Variants in INPP5A observed in about 807,000 individuals in gnomAD.
The protein encoded by INPP5A is inositol polyphosphate-5-phosphatase A.
Under a neutral mutation model 65.2 loss-of-function variants are expected in INPP5A, and 14 were observed. The observed-to-expected ratio is 0.21, with a 90% CI of 0.14 to 0.34. The LOEUF is 0.34. Among genes scored for constraint, INPP5A ranks in the 10% least tolerant of loss-of-function variants. INPP5A has a pLI of 1.00. For synonymous variants in INPP5A, 207 were observed against 208.3 expected (o/e 0.99, Z 0.05); for missense variants, 431 against 545.6 (o/e 0.79, Z 2.09).
intron 2 of INPP5A, among the ~76,000 whole-genome samples, chr10:132,623,410 T>TC (rs1393352818): frequency 3.6e-4 from 55 of 151,764 alleles, no homozygotes; most frequent in African/African-American, 7.3e-4. Flanking sequence ...TTTTTTTTTT[T>TC]CAACAAATTG....
intron 9 of INPP5A, among the ~76,000 whole-genome samples, chr10:132,747,870 G>A (rs1209291580): frequency 6.6e-6 from 1 of 152,136 alleles, no homozygotes; most frequent in East Asian, 1.9e-4. Context: ...GCAACATCAT[G>A]AGACCCTGTC....
intron 2 of INPP5A, among the ~76,000 whole-genome samples, chr10:132,621,502 G>A (rs762086672): frequency 1.2e-4 from 18 of 152,134 alleles, no homozygotes; most frequent in Non-Finnish European, 1.8e-4. Context: ...AGGTGGTACC[G>A]CTTGAAGCAG....
intron 12 of INPP5A, 60 bp from the exon 13 acceptor site, chr10:132,777,611 C>T (rs1199375291): frequency 5.5e-5 from 82 of 1,504,440 alleles, no homozygotes; most frequent in Non-Finnish European, 7.0e-5. Flanking sequence ...ACAGCCGTCC[C>T]TTTGGGGCTG....
intron 9 of INPP5A, among the ~76,000 whole-genome samples, chr10:132,749,056 G>A (rs1431499434): frequency 1.3e-5 from 2 of 152,256 alleles, no homozygotes; most frequent in South Asian, 4.1e-4. Context: ...AGATGAGCCT[G>A]TTGAGACGGT....
intron 4 of INPP5A, among the ~76,000 whole-genome samples, chr10:132,682,511 G>T (rs1003910832): frequency 2.6e-5 from 4 of 152,238 alleles, no homozygotes; most frequent in African/African-American, 9.6e-5. Context: ...TATCCAGTTG[G>T]CAAAAACTAG....
intron 11 of INPP5A, among the ~76,000 whole-genome samples, chr10:132,754,194 G>A (rs903892218): frequency 6.6e-5 from 10 of 152,242 alleles, no homozygotes; most frequent in African/African-American, 1.4e-4. Context: ...TGGTCCCTGC[G>A]CAGCCTTGCG....
chr10:132,780,827 C>T (rs202104151), intron 13 of INPP5A, 22 bp from the exon 14 acceptor site: 1,081 of 1,610,828 alleles, frequency 6.7e-4, no homozygotes, highest in Non-Finnish European at 8.7e-4. Context: ...CCCACACTCA[C>T]CTGTCTGTTT....
chr10:132,625,328 C>T lies in INPP5A; in HGVS notation c.117+17372C>T, dbSNP rs1381972741. Among the ~76,000 whole-genome samples the T allele has an allele frequency of 2.6e-5, 4 of 151,854 alleles. No individual in the cohort carries two copies. In the East Asian group the frequency reaches 5.8e-4, roughly 22 times the overall value. ...TCTCAGCAGGATCTTTTTCTGTGGC[C>T]CTGTGTCTTTCTGAATTACTGTATG... On this transcript the variant is annotated intron_variant, in intron 2 of 15. Transcript: ENST00000368594.
chr10:132,617,991 G>A (rs909074588), intron 2 of INPP5A, among the ~76,000 whole-genome samples: 3 of 152,166 alleles, frequency 2.0e-5, no homozygotes, highest in Non-Finnish European at 4.4e-5. Flanking sequence ...AATATTTTAT[G>A]ATATAGTTAG....
At chr10:132,759,871 A>G (rs1412215893) in intron 11 of INPP5A, among the ~76,000 whole-genome samples, 2 of 152,030 alleles carry the variant, frequency 1.3e-5, no homozygotes. Flanking sequence ...CTTCTTGTTC[A>G]CGTGCCCCTT....
At chr10:132,717,713 T>A (rs1845766914) in intron 8 of INPP5A, among the ~76,000 whole-genome samples, 2 of 146,024 alleles carry the variant, frequency 1.4e-5, no homozygotes, top group African/African-American at 2.6e-5. Context: ...GGTGCCTGGG[T>A]TCTGTCTGGG....
At chr10:132,669,422 A>G (rs7094522) in intron 4 of INPP5A, among the ~76,000 whole-genome samples, 136,823 of 152,220 alleles carry the variant, frequency 0.9, 61,569 homozygotes, top group East Asian at 1. Context: ...TCTTAACCTC[A>G]AGGCTTTCTA....
At position 132,651,245 on chromosome 10, in the gene INPP5A, C is replaced by T. The variant is rs74161905; in HGVS notation, c.306+740C>T. Among the ~76,000 whole-genome samples the T allele has an allele frequency of 6.6e-6, 1 of 151,780 alleles. No homozygotes were observed. The highest frequency in any genetic ancestry group is 2.4e-5 in the African/African-American group (1 of 41,318). ...TGGGTCCCCCGGCCTGGATCCATCTCCCCCGTCTCTGGGGAGGCCCTGGGT... is the reference window on the plus strand; with the variant it reads ...TGGGTCCCCCGGCCTGGATCCATCTTCCCCGTCTCTGGGGAGGCCCTGGGT... On this transcript the variant is annotated intron_variant, in intron 4 of 15. Coordinates refer to ENST00000368594, the MANE Select transcript of INPP5A (RefSeq NM_005539.5). The surrounding 1 kb of genome is among the most constrained non-coding windows in gnomAD (Gnocchi z 5.0).
intron 1 of INPP5A, among the ~76,000 whole-genome samples, chr10:132,559,897 T>C (rs191480834): frequency 2.6e-5 from 4 of 152,394 alleles, no homozygotes; most frequent in Admixed American, 2.6e-4. Context: ...CATCAGTGGA[T>C]GGACATGAGT....
rs373643090 is a variant in INPP5A, at chr10:132,615,232, G to A, written c.117+7276G>A. Among the ~76,000 whole-genome samples, 25 of 152,372 alleles carry A rather than the reference G, an allele frequency of 1.6e-4. No individual in the cohort carries two copies. In the East Asian group the frequency reaches 3.5e-3, roughly 21 times the overall value. ...ACTGTCTCGTGGCGGCCCGCAGCCC[G>A]TGGGCCACAATGGAGGGCTTCATCT... On this transcript the variant is annotated intron_variant, in intron 2 of 15. Transcript: ENST00000368594.
At chr10:132,583,327 G>T (rs1315407717) in intron 1 of INPP5A, among the ~76,000 whole-genome samples, 1 of 152,200 alleles carries the variant, frequency 6.6e-6, no homozygotes, top group Non-Finnish European at 1.5e-5. Context: ...GGTGACAGTT[G>T]TAAACAGTTG....
intron 4 of INPP5A, among the ~76,000 whole-genome samples, chr10:132,666,681 G>T (rs1165501893): frequency 6.6e-6 from 1 of 152,196 alleles, no homozygotes; most frequent in Non-Finnish European, 1.5e-5. Flanking sequence ...AACGGAAATT[G>T]TTACACTGTG....
intron 5 of INPP5A, among the ~76,000 whole-genome samples, chr10:132,694,134 A>G (rs1590931289): frequency 6.6e-6 from 1 of 152,318 alleles, no homozygotes; most frequent in South Asian, 2.1e-4. Context: ...GGGCCATAAA[A>G]CACACCTTTA....
intron 1 of INPP5A, among the ~76,000 whole-genome samples, chr10:132,565,087 T>C (rs934640532): frequency 6.6e-6 from 1 of 152,244 alleles, no homozygotes; most frequent in Admixed American, 6.5e-5. Context: ...ATCTAAAGAT[T>C]TATTTTAATT....
Sources: gnomAD v4.1 joint callset for allele counts (sites outside exome capture counted in the v4.1 genomes callset) on GRCh38, gnomAD v4.1.1 for gene constraint, Gnocchi (gnomAD v3.1) non-coding constraint, MANE v1.5 for transcripts, NCBI Gene and HGNC (gene_info 2026-07-23, HGNC 2026-07-21) for gene names.